The following KIF7 variants were observed in gnomAD, a reference collection of about 807,000 sequenced individuals.
The protein encoded by KIF7 is kinesin family member 7, also known as kinesin-like protein KIF7.
KIF7 carries 104 observed loss-of-function variants against 135.7 expected under a neutral mutation model. The observed-to-expected ratio is 0.77, with a 90% confidence interval of 0.65 to 0.90. The LOEUF (loss-of-function observed/expected upper bound fraction) is 0.90. Among genes scored for constraint, KIF7 ranks in the 40% least tolerant of loss-of-function variants. The pLI is 0.00. For synonymous variants in KIF7, 883 were observed against 809.4 expected (o/e 1.09, Z -1.54); for missense variants, 2,005 against 1,839.1 (o/e 1.09, Z -1.65).
chr15:89,621,292 A>G, intron 1 of KIF7: 1 of 1,254,300 alleles, frequency 8.0e-7, no homozygotes, highest in Non-Finnish European at 1.1e-6. Context: ...AAGTGCTGGG[A>G]TTACAGGCGT....
chr15:89,624,374 G>A, downstream of KIF7: 1 of 1,614,080 alleles, frequency 6.2e-7, no homozygotes. Flanking sequence ...TCTCTCTCCT[G>A]CCCTGTTCCC....
chr15:89,642,466 T>C, intron 10 of KIF7, 61 bp from the exon 11 acceptor site: 1 of 1,474,556 alleles, frequency 6.8e-7, no homozygotes, highest in Non-Finnish European at 9.2e-7. Context: ...GCCAGCTGTT[T>C]GTCCCCCTGG....
intron 15 of KIF7, 134 bp downstream of exon 15, chr15:89,631,361 C>T (rs1963670868): frequency 2.5e-6 from 2 of 786,222 alleles, no homozygotes; most frequent in Non-Finnish European, 4.0e-6. Context: ...CCCCCACCTC[C>T]ACCTAACAGT....
chr15:89,645,914 C>G lies in KIF7; in HGVS notation c.1901G>C (p.Arg634Thr). The G allele has an allele frequency of 6.2e-7, 1 of 1,613,686 alleles. No homozygotes were observed. The highest frequency in any genetic ancestry group is 1.1e-5 in the South Asian group (1 of 91,082). The change falls in exon 8 of 19, where the codon AGG (arginine) becomes ACG (threonine). Residue 634 changes from arginine to threonine, a missense_variant. Coordinates refer to ENST00000394412, the MANE Select transcript of KIF7 (RefSeq NM_198525.3). ...TCACCTGCGCAGGTGTAAGGTCCGC[C>G]TGGGCGGCTCCTCCTCCTCCTCTTC... ...EEEEEEEEPP[R>T]RTLHLRRNRI...
chr15:89,630,867 C>T lies in KIF7; in HGVS notation c.3112-374G>A, dbSNP rs113679763. ...TAAGAAATGCATCATTAGGCGTTTT[C>T]GACGTCGTGCAAACATCAGAATATA... is the stretch of plus-strand genomic sequence containing the variant. On this transcript the variant is annotated intron_variant, in intron 15 of 18. Coordinates refer to ENST00000394412, the MANE Select transcript of KIF7 (RefSeq NM_198525.3). The T allele has an allele frequency of 9.6e-3, 3,585 of 374,512 alleles. 123 individuals carry two copies. Among genetic ancestry groups the T allele is most frequent in the African/African-American group, 0.068 (3,282 of 48,102 alleles). The allele number at this position is 374,512 out of a possible 1,614,324, so 23.2% of individuals were successfully genotyped here. A position where few individuals can be genotyped will look rare whatever the true frequency, so the allele number is the denominator to read the frequency against.
At position 89,652,858 on chromosome 15, in the gene KIF7, G is replaced by C. The variant is rs1275039697; in HGVS notation, c.73C>G (p.Leu25Val). The change falls in exon 2 of 19, where the codon CTG becomes GTG. Residue 25 changes from leucine to valine, a missense_variant. Transcript: ENST00000394412. The part of the protein sequence containing the change: ...PVRVALRVRP[L>V]LPKELLHGHQ... ...CCGTGCAGCAGCTCCTTGGGCAGCA[G>C]TGGTCGAACTCGCAGGGCAACCCGC... The C allele has an allele frequency of 6.5e-7, 1 of 1,548,006 alleles. No individual in the cohort carries two copies.
At chr15:89,630,790 C>T (rs987004024) in intron 15 of KIF7, 19 of 496,972 alleles carry the variant, frequency 3.8e-5, no homozygotes, top group African/African-American at 1.9e-4. Flanking sequence ...GGGACAGCCA[C>T]GGAGGCACCA....
downstream of KIF7, chr15:89,626,982 A>C: frequency 1.2e-6 from 2 of 1,614,014 alleles, no homozygotes; most frequent in Non-Finnish European, 1.7e-6. Context: ...TCTTCCCTCC[A>C]CTGTAGAAGA....
chr15:89,619,817 C>T (rs760656828), intron 1 of KIF7: 15 of 1,612,468 alleles, frequency 9.3e-6, no homozygotes, highest in Non-Finnish European at 1.2e-5. Flanking sequence ...TGCAAAGAGT[C>T]CACTCTTTCC....
rs368611732 is a variant in KIF7 at position 89,645,422 on chromosome 15, G to A, written c.1952C>T (p.Ala651Val). 2.1e-5 allele frequency: 34 copies of A among 1,613,632 alleles called. No homozygotes were observed. The highest frequency in any genetic ancestry group is 2.4e-5 in the Non-Finnish European group (28 of 1,179,812). The change falls in exon 9 of 19, where the codon GCG (alanine) becomes GTG (valine). Residue 651 changes from alanine (A) to valine (V), a missense_variant. By Grantham distance (64) the Ala-to-Val change is moderately conservative. Transcript: ENST00000394412. ...TGGCAGACTCCCTGGGCGTGCCCCCGCCCTCTGACTGCAGTTGCTGATCCT... is the reference window on the plus strand; with the variant it reads ...TGGCAGACTCCCTGGGCGTGCCCCCACCCTCTGACTGCAGTTGCTGATCCT... ...RNRISNCSQRAGARPGSLPER... is the reference protein window; with the variant it reads ...RNRISNCSQRVGARPGSLPER...
At chr15:89,623,083 C>T (rs544114516), downstream of KIF7, among the ~76,000 whole-genome samples, 13 of 152,324 alleles carry the variant, frequency 8.5e-5, no homozygotes, top group Non-Finnish European at 1.8e-4. Context: ...CGTATTTTTG[C>T]AAGAAGGCAG....
intron 2 of KIF7, among the ~76,000 whole-genome samples, chr15:89,617,848 C>T (rs957612206): frequency 2.0e-5 from 3 of 152,092 alleles, no homozygotes; most frequent in East Asian, 1.9e-4. Context: ...CATGCCACCA[C>T]GCCCAGCTAA....
At chr15:89,650,622 G>GA in intron 2 of KIF7, among the ~76,000 whole-genome samples, 1 of 152,304 alleles carries the variant, frequency 6.6e-6, no homozygotes, top group African/African-American at 2.4e-5. Context: ...TCAAACTCCT[G>GA]ACCTCGTGAT....
At position 89,648,731 on chromosome 15, in the gene KIF7, T is replaced by A. The variant is rs1048051000; in HGVS notation, c.967A>T (p.Ile323Phe). ...GAGGAGGAAGGGCTGACGCAGGCGA[T>A]CATCACCGTCTTGGCGTTCCCGCCC... The part of the protein sequence containing the change: ...SLGGNAKTVM[I>F]ACVSPSSSDF... Residue 323 changes from isoleucine to phenylalanine, a missense_variant, in exon 5 of 19, where the codon ATC becomes TTC. Physicochemically the swap from Ile to Phe is conservative, Grantham distance 21 (BLOSUM62 0). Coordinates refer to ENST00000394412, the MANE Select transcript of KIF7 (RefSeq NM_198525.3). 6.5e-7 allele frequency: 1 copy of A among 1,536,060 alleles called. No homozygotes were observed. Among genetic ancestry groups the A allele is most frequent in the Non-Finnish European group, 8.7e-7 (1 of 1,146,452 alleles).
At chr15:89,638,801 G>C (rs1315369366) in intron 11 of KIF7, among the ~76,000 whole-genome samples, 1 of 152,056 alleles carries the variant, frequency 6.6e-6, no homozygotes, top group Admixed American at 6.6e-5. Flanking sequence ...CTACTTTAAA[G>C]TTCATATAGA....
downstream of KIF7, chr15:89,627,533 T>C (rs554172794): frequency 4.3e-5 from 7 of 162,372 alleles, no homozygotes; most frequent in African/African-American, 1.4e-4. Flanking sequence ...AACTGAAGAG[T>C]GCATTGGGCA....
intron 13 of KIF7, 24 bp from the exon 14 acceptor site, chr15:89,633,020 G>GAGGGAGGA (rs1555423474): frequency 3.9e-5 from 43 of 1,091,016 alleles, no homozygotes; most frequent in Middle Eastern, 2.0e-4. Context: ...GGGAGGGAGG[G>GAGGGAGGA]AGGGAACTCA....
At chr15:89,622,009 C>T (rs1462243138) in intron 1 of KIF7, among the ~76,000 whole-genome samples, 2 of 90,484 alleles carry the variant, frequency 2.2e-5, no homozygotes, top group Non-Finnish European at 4.2e-5. Flanking sequence ...TTTTTGGAGA[C>T]AGAGTCTTAC....
At chr15:89,633,559 G>C in intron 12 of KIF7, 127 bp downstream of exon 12, 1 of 1,062,684 alleles carries the variant, frequency 9.4e-7, no homozygotes, top group Non-Finnish European at 1.4e-6. Context: ...ACAGACTCAG[G>C]CTAAGTGACC....
Sources: gnomAD v4.1 joint callset for allele counts (sites outside exome capture counted in the v4.1 genomes callset) on GRCh38, gnomAD v4.1.1 for gene constraint, MANE v1.5 for transcripts, NCBI Gene and HGNC (gene_info 2026-07-23, HGNC 2026-07-21) for gene names.